ABCC2: variants seen among roughly 807,000 people sequenced by gnomAD.
ABCC2 encodes the protein ATP binding cassette subfamily C member 2.
ABCC2 carries 157 observed loss-of-function variants against 173.4 expected under a neutral mutation model. The observed-to-expected ratio is 0.91, with a 90% CI of 0.80 to 1.03. The LOEUF (loss-of-function observed/expected upper bound fraction) is 1.03. Among genes scored for constraint, ABCC2 ranks in the 50% least tolerant of loss-of-function variants. The pLI is 0.00. For missense variants in ABCC2, 1,822 were observed against 1,852.3 expected (o/e 0.98, Z 0.30); for synonymous variants, 657 against 693.5 (o/e 0.95, Z 0.83).
intron 16 of ABCC2, among the ~76,000 whole-genome samples, chr10:99,815,271 G>A (rs954639885): frequency 6.6e-6 from 1 of 152,132 alleles, no homozygotes; most frequent in African/African-American, 2.4e-5. Context: ...CAAAGGACAT[G>A]ATCTCGTTCC....
At position 99,850,775 on chromosome 10, in the gene ABCC2, A is replaced by T; in HGVS notation, c.4487A>T (p.His1496Leu). 1.2e-6 allele frequency: 2 copies of T among 1,614,208 alleles called. No individual in the cohort carries two copies. Among genetic ancestry groups the T allele is most frequent in the Non-Finnish European group, 8.5e-7 (1 of 1,180,036 alleles). ...GTGATCACCATCGCCCACAGGCTGC[A>T]CACCATCATGGACAGTGACAAGTGA... ...CTVITIAHRL[H>L]TIMDSDKVMV... The change falls in exon 31 of 32, where the codon CAC becomes CTC. Residue 1496 changes from histidine (H) to leucine (L), a missense_variant. Coordinates refer to ENST00000647814, the MANE Select transcript of ABCC2 (RefSeq NM_000392.5).
intron 17 of ABCC2, among the ~76,000 whole-genome samples, chr10:99,818,566 A>C (rs1356093831): frequency 6.6e-6 from 1 of 152,226 alleles, no homozygotes; most frequent in African/African-American, 2.4e-5. Flanking sequence ...AAAACTATTA[A>C]ATAAGTAAAT....
Position 99,804,208 on chromosome 10 carries a change from G to A in ABCC2, c.1399G>A (p.Val467Ile), listed in dbSNP as rs1178654747. ...RELGPSVLAG[V>I]GVMVLVIPIN... ...GTTGGGACCCTCAGTCTTAGCAGGT[G>A]TTGGGGTGATGGTGCTTGTAATCCC... Residue 467 changes from valine (V) to isoleucine (I), a missense_variant, in exon 10 of 32, where the codon GTT becomes ATT. Coordinates refer to ENST00000647814, the MANE Select transcript of ABCC2 (RefSeq NM_000392.5). 2 of 1,614,158 alleles carry A rather than the reference G, an allele frequency of 1.2e-6. No individual in the cohort carries two copies. Among genetic ancestry groups the A allele is most frequent in the East Asian group, 4.5e-5 (2 of 44,886 alleles).
intron 16 of ABCC2, among the ~76,000 whole-genome samples, chr10:99,814,769 G>GTGTGTA (rs2038369340): frequency 7.7e-6 from 1 of 129,920 alleles, no homozygotes; most frequent in African/African-American, 3.1e-5. Flanking sequence ...ACACATATAT[G>GTGTGTA]TGTGTGTATG....
intron 25 of ABCC2, 120 bp from the exon 26 acceptor site, chr10:99,841,847 G>C (rs1008771494): frequency 7.3e-7 from 1 of 1,367,650 alleles, no homozygotes; most frequent in African/African-American, 1.4e-5. Context: ...TTGAGGCATT[G>C]CCTAAGAGTG....
chr10:99,814,795 A>ATGTGTGTGTGTG (rs147016911), intron 16 of ABCC2, among the ~76,000 whole-genome samples: 7 of 135,588 alleles, frequency 5.2e-5, no homozygotes, highest in Admixed American at 4.9e-4. Flanking sequence ...ACACACACAC[A>ATGTGTGTGTGTG]TATGTGTGTG....
In ABCC2 at chr10:99,819,255, A is replaced by T; in HGVS notation, c.2606A>T (p.Glu869Val). ...ACATTTCTAAGACATACAGGCCCTG[A>T]AGAGGAAGCCACAGGTATGTAAGAA... Reference protein sequence around the residue: ...LKTFLRHTGPEEEATVHDGSE... With the variant: ...LKTFLRHTGPVEEATVHDGSE... The change falls in exon 19 of 32, where the codon GAA becomes GTA. Residue 869 changes from glutamate (E) to valine (V), a missense_variant. By Grantham distance (121) the Glu-to-Val change is moderately radical (BLOSUM62 -2). Coordinates refer to ENST00000647814, the MANE Select transcript of ABCC2 (RefSeq NM_000392.5). 1 of 1,613,782 alleles carries T rather than the reference A, an allele frequency of 6.2e-7. No homozygotes were observed. The highest frequency in any genetic ancestry group is 8.5e-7 in the Non-Finnish European group (1 of 1,180,010).
At chr10:99,803,662 G>T (rs1391646743) in intron 9 of ABCC2, among the ~76,000 whole-genome samples, 1 of 152,124 alleles carries the variant, frequency 6.6e-6, no homozygotes, top group Non-Finnish European at 1.5e-5. Flanking sequence ...ACAAAGGTAA[G>T]CTCAGGATAT....
intron 2 of ABCC2, among the ~76,000 whole-genome samples, chr10:99,787,219 A>G (rs1270548453): frequency 6.6e-6 from 1 of 151,734 alleles, no homozygotes; most frequent in African/African-American, 2.4e-5. Flanking sequence ...AACCATCACC[A>G]CAGTCAATTT....
At chr10:99,843,145 T>C (rs557835904) in intron 26 of ABCC2, among the ~76,000 whole-genome samples, 7 of 152,290 alleles carry the variant, frequency 4.6e-5, no homozygotes, top group African/African-American at 1.7e-4. Context: ...CTTAGTTCCT[T>C]GTGTCACTGC....
rs17222540 is a variant in ABCC2 at position 99,832,061 on chromosome 10, A to G, written c.3188A>G (p.Asn1063Ser). 410 of 1,614,214 alleles carry G rather than the reference A, an allele frequency of 2.5e-4. No homozygotes were observed. In the African/African-American group the frequency reaches 4.7e-3, roughly 19 times the overall value. Residue 1063 changes from asparagine to serine, a missense_variant, in exon 23 of 32, where the codon AAT becomes AGT. Transcript: ENST00000647814. ...SNILHKQLLN[N>S]ILRAPMRFFD... ...ATCTTGCACAAGCAACTGCTGAACA[A>G]TATCCTTCGAGCACCTATGAGATTT...
chr10:99,822,080 G>A (rs1176793059), intron 19 of ABCC2, among the ~76,000 whole-genome samples: 1 of 152,064 alleles, frequency 6.6e-6, no homozygotes, highest in Non-Finnish European at 1.5e-5. Context: ...GTGGGGCCAG[G>A]TACCCATACG....
In ABCC2 at chr10:99,851,639, C is replaced by G. The variant is rs2039089774; in HGVS notation, c.*8C>G. The G allele has an allele frequency of 6.2e-7, 1 of 1,613,274 alleles. No individual in the cohort carries two copies. Among genetic ancestry groups the G allele is most frequent in the South Asian group, 1.1e-5 (1 of 91,044 alleles). On this transcript the variant is annotated 3_prime_UTR_variant, in exon 32 of 32. Coordinates refer to ENST00000647814, the MANE Select transcript of ABCC2 (RefSeq NM_000392.5). ...AACAGCACAAAATTCTAGCAGAAGG[C>G]CCCATGGGTTAGAAAAGGACTATAA... is the stretch of plus-strand genomic sequence containing the variant.
At chr10:99,840,373 C>G (rs2038916641) in intron 25 of ABCC2, among the ~76,000 whole-genome samples, 1 of 145,218 alleles carries the variant, frequency 6.9e-6, no homozygotes, top group Non-Finnish European at 1.5e-5. Context: ...GCAGCCGCGC[C>G]AACCACCAGC....
intron 14 of ABCC2, among the ~76,000 whole-genome samples, 181 bp from the exon 15 acceptor site, chr10:99,811,355 C>T (rs1409211645): frequency 6.6e-6 from 1 of 151,842 alleles, no homozygotes; most frequent in Non-Finnish European, 1.5e-5. Context: ...ACTTCATATG[C>T]AGGCCACTTC....
chr10:99,843,894 A>C lies in ABCC2; in HGVS notation c.3837A>C (p.Glu1279Asp). 2 of 1,613,688 alleles carry C rather than the reference A, an allele frequency of 1.2e-6. No individual in the cohort carries two copies. Among genetic ancestry groups the C allele is most frequent in the South Asian group, 2.2e-5 (2 of 91,072 alleles). ...VERITEYTKV[E>D]NEAPWVTDKR... ...GAATAACTGAGTACACAAAAGTGGAAAATGAGGTAAGGAGGAACTGGAAAA... is the reference window on the plus strand; with the variant it reads ...GAATAACTGAGTACACAAAAGTGGACAATGAGGTAAGGAGGAACTGGAAAA... The change falls in exon 27 of 32, where the codon GAA becomes GAC. Residue 1279 changes from glutamate (E) to aspartate (D), a missense_variant. Physicochemically the swap from Glu to Asp is conservative, Grantham distance 45 (BLOSUM62 2). Transcript: ENST00000647814.
chr10:99,844,241 T>A, intron 27 of ABCC2, 81 bp from the exon 28 acceptor site: 2 of 1,561,952 alleles, frequency 1.3e-6, no homozygotes, highest in Non-Finnish European at 1.8e-6. Context: ...CTTCTCCTGT[T>A]CTATGACACG....
chr10:99,819,369 T>G, intron 19 of ABCC2, 100 bp downstream of exon 19: 14 of 1,178,492 alleles, frequency 1.2e-5, no homozygotes, highest in Non-Finnish European at 1.7e-5. Context: ...TGAACTAGAT[T>G]TGGAAGCAAA....
chr10:99,805,378 G>A lies in ABCC2; in HGVS notation c.1465-4G>A, dbSNP rs753084674. The A allele has an allele frequency of 1.2e-6, 2 of 1,613,490 alleles. No homozygotes were observed. Among genetic ancestry groups the A allele is most frequent in the Non-Finnish European group, 1.7e-6 (2 of 1,179,592 alleles). On this transcript the variant is annotated splice_polypyrimidine_tract_variant and splice_region_variant and intron_variant, in intron 10 of 31. Transcript: ENST00000647814. ...TTGTTTTTCTTTTGCTTTTTTCCTG[G>A]CAGGTCAAAAATATGAAGAATAAAG...
Sources: gnomAD v4.1 joint callset for allele counts (sites outside exome capture counted in the v4.1 genomes callset) on GRCh38, gnomAD v4.1.1 for gene constraint, MANE v1.5 for transcripts, NCBI Gene and HGNC (gene_info 2026-07-23, HGNC 2026-07-21) for gene names.